Variants in CEP85 observed in about 807,000 individuals in gnomAD.
CEP85 encodes centrosomal protein of 85 kDa.
CEP85 carries 58 observed loss-of-function variants against 93.7 expected under a neutral mutation model. The ratio of observed to expected loss-of-function variants is 0.62; its 90% CI spans 0.50 to 0.77. The LOEUF is 0.77. Ranked by LOEUF, CEP85 falls within the 30% of genes least tolerant of loss-of-function variation. CEP85 has a pLI of 0.00. For synonymous variants in CEP85, 314 were observed against 338.6 expected, an observed-to-expected ratio of 0.93 and a Z score of 0.80; for missense variants, 868 against 922.0, an observed-to-expected ratio of 0.94 and a Z score of 0.76.
chr1:26,244,118 T>C (rs761368344), intron 2 of CEP85, 48 bp from the exon 3 acceptor site: 1 of 1,576,700 alleles, frequency 6.3e-7, no homozygotes, highest in South Asian at 1.1e-5. Context: ...TCTGATGGGG[T>C]TACATCAGCT....
At chr1:26,243,701 TA>T (rs1205996658) in intron 2 of CEP85, among the ~76,000 whole-genome samples, 3 of 152,056 alleles carry the variant, frequency 2.0e-5, no homozygotes, top group Non-Finnish European at 4.4e-5. Flanking sequence ...TATTTCCACT[TA>T]AAATTAACTA....
intron 2 of CEP85, among the ~76,000 whole-genome samples, chr1:26,241,405 G>A (rs2089423462): frequency 6.6e-6 from 1 of 151,918 alleles, no homozygotes; most frequent in Non-Finnish European, 1.5e-5. Context: ...ACCATGCCCA[G>A]CTAATTTTTT....
chr1:26,274,646 G>T (rs2090027080), intron 11 of CEP85, among the ~76,000 whole-genome samples: 1 of 152,156 alleles, frequency 6.6e-6, no homozygotes. Context: ...AGCCTTCAGG[G>T]ATGAGGGCCA....
chr1:26,271,420 T>C (rs2089973811), intron 10 of CEP85: 1 of 233,712 alleles, frequency 4.3e-6, no homozygotes, highest in South Asian at 6.7e-5. Context: ...CTCAGGCCCA[T>C]ACAGAAACCC....
chr1:26,250,465 A>G (rs531848556), intron 3 of CEP85, among the ~76,000 whole-genome samples: 2 of 152,378 alleles, frequency 1.3e-5, no homozygotes, highest in East Asian at 1.9e-4. Flanking sequence ...TGTGTTCCAC[A>G]AAACGATTCC....
chr1:26,259,613 G>T lies in CEP85; in HGVS notation c.1156-4G>T, dbSNP rs1193077697. The T allele has an allele frequency of 1.2e-6, 2 of 1,601,800 alleles. No homozygotes were observed. The highest frequency in any genetic ancestry group is 1.7e-6 in the Non-Finnish European group (2 of 1,173,866). On this transcript the variant is annotated splice_polypyrimidine_tract_variant and splice_region_variant and intron_variant, in intron 6 of 13. Transcript: ENST00000451429. Reference sequence around the variant, plus strand: ...CAGTTACATATTGAGAATCTTTCTGGCAGGAATTGCAGCGAGAAAACACTT... The same window carrying T: ...CAGTTACATATTGAGAATCTTTCTGTCAGGAATTGCAGCGAGAAAACACTT...
In CEP85 at chr1:26,244,285, G is replaced by A. The variant is rs375290306; in HGVS notation, c.175G>A (p.Ala59Thr). Residue 59 changes from alanine (A) to threonine (T), a missense_variant, in exon 3 of 14, where the codon GCC becomes ACC. Transcript: ENST00000451429. ...AAGTGTAGCCGACAGTGGGGACACA[G>A]CCATTGGTACATCATGCTCAGATAT... ...CSSVADSGDT[A>T]IGTSCSDIAE... The A allele has an allele frequency of 6.2e-7, 1 of 1,614,098 alleles. No homozygotes were observed. The highest frequency in any genetic ancestry group is 1.1e-5 in the South Asian group (1 of 91,066).
intron 3 of CEP85, among the ~76,000 whole-genome samples, chr1:26,252,989 C>T (rs970217158): frequency 6.6e-6 from 1 of 152,084 alleles, no homozygotes; most frequent in African/African-American, 2.4e-5. Flanking sequence ...TAAGTAAGAA[C>T]GTGCAGTATT....
rs747809591 is a variant in CEP85, at chr1:26,255,492, G to A, written c.530G>A (p.Arg177Lys). 2.5e-6 allele frequency: 4 copies of A among 1,614,120 alleles called. No individual in the cohort carries two copies. The highest frequency in any genetic ancestry group is 4.5e-5 in the East Asian group (2 of 44,878). The change falls in exon 4 of 14, where the codon AGG becomes AAG. Residue 177 changes from arginine to lysine, a missense_variant. Coordinates refer to ENST00000451429, the MANE Select transcript of CEP85 (RefSeq NM_001319944.2). ...GGCCATGAAAGACAAGAAGAGGCGA[G>A]GAAGTTTGATATTCCTAGCATGGAA... ...AVGHERQEEA[R>K]KFDIPSMEST...
chr1:26,238,097 A>G (rs1199964005), intron 1 of CEP85, among the ~76,000 whole-genome samples: 1 of 150,936 alleles, frequency 6.6e-6, no homozygotes, highest in African/African-American at 2.4e-5. Context: ...TCTCTTAGTA[A>G]CAAGAGAATA....
At chr1:26,272,295 T>G in intron 11 of CEP85, 1 of 537,298 alleles carries the variant, frequency 1.9e-6, no homozygotes, top group Non-Finnish European at 3.3e-6. Context: ...CCTGGGGGAG[T>G]GCAGGAGAGT....
chr1:26,269,223 C>T (rs949052916), intron 8 of CEP85: 7 of 515,394 alleles, frequency 1.4e-5, no homozygotes, highest in Admixed American at 3.2e-5. Context: ...AGGGGAACGA[C>T]ATAGCAGTAG....
At chr1:26,264,315 C>A (rs12092445) in intron 7 of CEP85, among the ~76,000 whole-genome samples, 359 of 152,184 alleles carry the variant, frequency 2.4e-3, no homozygotes, top group African/African-American at 7.7e-3. Flanking sequence ...AGTGGATCAC[C>A]TGAGGTCGGG....
At chr1:26,251,488 T>A (rs2124575554) in intron 3 of CEP85, among the ~76,000 whole-genome samples, 1 of 151,922 alleles carries the variant, frequency 6.6e-6, no homozygotes, top group East Asian at 1.9e-4. Context: ...GGACCTCAGG[T>A]GATCCGCCCA....
Position 26,255,787 on chromosome 1 carries a change from T to C in CEP85, c.825T>C (p.His275=). 1 of 1,614,146 alleles carries C rather than the reference T, an allele frequency of 6.2e-7. No homozygotes were observed. The highest frequency in any genetic ancestry group is 1.7e-5 in the Admixed American group (1 of 60,016). The change falls in exon 4 of 14, where the codon CAT becomes CAC. Residue 275 remains histidine (H), a synonymous_variant. Transcript: ENST00000451429. ...GGCAGCCGAGTCCTGACACTTGGCATCCCCGAGAGCAATCTTGTGAACTCA... is the reference window on the plus strand; with the variant it reads ...GGCAGCCGAGTCCTGACACTTGGCACCCCCGAGAGCAATCTTGTGAACTCA... ...QVWQPSPDTW[H]PREQSCELST...
Position 26,255,996 on chromosome 1 carries a change from T to C in CEP85, c.903+131T>C, listed in dbSNP as rs926869318. On this transcript the variant is annotated intron_variant, in intron 4 of 13. Coordinates refer to ENST00000451429, the MANE Select transcript of CEP85 (RefSeq NM_001319944.2). ...AAGGAAGATGTTTGTAGACAGGAAA[T>C]ACAGGCTTGTGAGCTGTTGGCCATT... The C allele has an allele frequency of 5.0e-6, 4 of 793,022 alleles. No homozygotes were observed. In the African/African-American group the frequency reaches 5.2e-5, roughly 10 times the overall value. 49.1% of individuals were successfully genotyped at this position (793,022 alleles called of 1,614,324 possible).
chr1:26,255,842 C>G lies in CEP85; in HGVS notation c.880C>G (p.Arg294Gly). ...STCRQQLELI[R>G]LQMEQMQLQN... ...TTGTCGGCAGCAGCTGGAATTGATT[C>G]GTTTACAGATGGAGCAAATGCAGGT... is the stretch of plus-strand genomic sequence containing the variant. The change falls in exon 4 of 14, where the codon CGT (arginine) becomes GGT (glycine). Residue 294 changes from arginine to glycine, a missense_variant. Arg to Gly is a moderately radical substitution (Grantham distance 125). Coordinates refer to ENST00000451429, the MANE Select transcript of CEP85 (RefSeq NM_001319944.2). 2 of 1,610,710 alleles carry G rather than the reference C, an allele frequency of 1.2e-6. No individual in the cohort carries two copies. Among genetic ancestry groups the G allele is most frequent in the Non-Finnish European group, 1.7e-6 (2 of 1,177,646 alleles).
At chr1:26,239,698 G>A in intron 1 of CEP85, 64 bp from the exon 2 acceptor site, 2 of 999,384 alleles carry the variant, frequency 2.0e-6, no homozygotes, top group Non-Finnish European at 3.2e-6. Flanking sequence ...AGTTGAATGG[G>A]AACTGAGTTG....
Position 26,278,657 on chromosome 1 carries a change from T to C in CEP85, c.*1364T>C, listed in dbSNP as rs984706248. The C allele has an allele frequency of 6.6e-5, 10 of 152,666 alleles. No homozygotes were observed. The highest frequency in any genetic ancestry group is 5.9e-4 in the Admixed American group (9 of 15,284). The allele number at this position is 152,666 out of a possible 1,614,324, so 9.5% of individuals were successfully genotyped here. ...GCTGCTTAAAGGCAGAGCCGCCTGGTTGGTCTCCACCCTGTGCATTGGGAG... is the reference window on the plus strand; with the variant it reads ...GCTGCTTAAAGGCAGAGCCGCCTGGCTGGTCTCCACCCTGTGCATTGGGAG... On this transcript the variant is annotated 3_prime_UTR_variant, in exon 14 of 14. Coordinates refer to ENST00000451429, the MANE Select transcript of CEP85 (RefSeq NM_001319944.2).
Sources: gnomAD v4.1 joint callset for allele counts (sites outside exome capture counted in the v4.1 genomes callset) on GRCh38, gnomAD v4.1.1 for gene constraint, MANE v1.5 for transcripts, NCBI Gene and HGNC (gene_info 2026-07-23, HGNC 2026-07-21) for gene names.